Variants in DLG2 observed in about 807,000 individuals in gnomAD.
The protein encoded by DLG2 is disks large homolog 2.
Under a neutral mutation model 132.5 loss-of-function variants are expected in DLG2, and 45 were observed. That is an observed-to-expected ratio of 0.34 (90% CI 0.27 to 0.44). The LOEUF (loss-of-function observed/expected upper bound fraction) is 0.44, where lower values mean the gene tolerates loss of function less well. Among genes scored for constraint, DLG2 ranks in the 20% least tolerant of loss-of-function variants. The pLI is 1.00. For missense variants in DLG2, 1,045 were observed against 1,196.9 expected, an observed-to-expected ratio of 0.87 and a Z score of 1.87; for synonymous variants, 424 against 419.6, an observed-to-expected ratio of 1.01 and a Z score of -0.13.
intron 11 of DLG2, among the ~76,000 whole-genome samples, chr11:84,045,955 T>C (rs2096234161): frequency 6.6e-6 from 1 of 151,392 alleles, no homozygotes; most frequent in African/African-American, 2.4e-5. Context: ...TTAGAGGAAT[T>C]CTACTTTCAG....
rs576444943 is a variant in DLG2 at position 85,266,165 on chromosome 11, C to A, written c.186+19055G>T. 1.7e-3 allele frequency among the ~76,000 whole-genome samples: 261 copies of A among 152,276 alleles called. 2 individuals are homozygous for A. The highest frequency in any genetic ancestry group is 6.0e-3 in the African/African-American group (251 of 41,558). On this transcript the variant is annotated intron_variant, in intron 4 of 27. Coordinates refer to ENST00000376104, the MANE Select transcript of DLG2 (RefSeq NM_001142699.3). ...CCTCTGAAGCCTTGGAGTCATGGGC[C>A]CCCCAACCTGGACACTGCCACAAGG...
At chr11:83,870,315 C>T (rs1160192166) in intron 16 of DLG2, among the ~76,000 whole-genome samples, 1 of 152,156 alleles carries the variant, frequency 6.6e-6, no homozygotes, top group African/African-American at 2.4e-5. Flanking sequence ...CTCCAATGTC[C>T]ATGTGTATAT....
At chr11:85,294,175 TAATA>T (rs2079081902) in intron 3 of DLG2, among the ~76,000 whole-genome samples, 1 of 151,958 alleles carries the variant, frequency 6.6e-6, no homozygotes. Context: ...ATATAGAAAA[TAATA>T]AATAGAGTGA....
chr11:85,140,939 T>G (rs1037935029), intron 5 of DLG2, among the ~76,000 whole-genome samples: 1 of 151,884 alleles, frequency 6.6e-6, no homozygotes, highest in African/African-American at 2.4e-5. Context: ...CTAAATAATA[T>G]TCCAATGTGT....
At chr11:83,884,679 T>A (rs1477461534) in intron 15 of DLG2, among the ~76,000 whole-genome samples, 1 of 152,262 alleles carries the variant, frequency 6.6e-6, no homozygotes, top group Admixed American at 6.5e-5. Flanking sequence ...CCAAGCAGCC[T>A]AACTGGAAGG....
At chr11:83,751,904 T>C (rs892750600) in intron 18 of DLG2, among the ~76,000 whole-genome samples, 4 of 152,178 alleles carry the variant, frequency 2.6e-5, no homozygotes, top group Non-Finnish European at 4.4e-5. Context: ...CAATGGGAAT[T>C]ATTAGCATTG....
chr11:84,560,196 C>A (rs1016494850), intron 6 of DLG2, among the ~76,000 whole-genome samples: 3 of 152,070 alleles, frequency 2.0e-5, no homozygotes, highest in African/African-American at 7.2e-5. Flanking sequence ...AGTAGGAAAG[C>A]CACATTGTAT....
At chr11:84,349,543 G>A (rs1436916922) in intron 7 of DLG2, among the ~76,000 whole-genome samples, 2 of 152,170 alleles carry the variant, frequency 1.3e-5, no homozygotes, top group African/African-American at 2.4e-5. Flanking sequence ...CATTGTGAAT[G>A]ACACACCCTT....
At chr11:85,042,419 T>TA (rs1488133017) in intron 6 of DLG2, among the ~76,000 whole-genome samples, 3 of 152,030 alleles carry the variant, frequency 2.0e-5, no homozygotes, top group African/African-American at 7.2e-5. Context: ...TTACATAGAT[T>TA]ATCTTAATTC....
intron 6 of DLG2, among the ~76,000 whole-genome samples, chr11:84,695,184 C>A (rs932566392): frequency 2.0e-5 from 3 of 151,564 alleles, no homozygotes; most frequent in Non-Finnish European, 4.4e-5. Flanking sequence ...TTGCACAGTT[C>A]TGCAGAATAG....
chr11:84,942,053 T>C (rs1439760499), intron 6 of DLG2, among the ~76,000 whole-genome samples: 1 of 152,198 alleles, frequency 6.6e-6, no homozygotes, highest in African/African-American at 2.4e-5. Flanking sequence ...ATGCTCATAG[T>C]AGTCTCTAAT....
intron 11 of DLG2, among the ~76,000 whole-genome samples, chr11:84,034,288 AT>A (rs1229658910): frequency 6.6e-6 from 1 of 152,046 alleles, no homozygotes; most frequent in Non-Finnish European, 1.5e-5. Context: ...GTTATAAAGT[AT>A]TTTTTAATTA....
intron 4 of DLG2, among the ~76,000 whole-genome samples, chr11:85,226,172 T>G (rs1294466620): frequency 6.7e-6 from 1 of 148,876 alleles, no homozygotes; most frequent in Non-Finnish European, 1.5e-5. Context: ...AAAAATAATA[T>G]AATTGCATAT....
chr11:84,423,391 C>A (rs528759506), intron 7 of DLG2, among the ~76,000 whole-genome samples: 1 of 152,132 alleles, frequency 6.6e-6, no homozygotes, highest in Non-Finnish European at 1.5e-5. Flanking sequence ...TCATGCCTGG[C>A]ACTTGTCTAC....
intron 2 of DLG2, among the ~76,000 whole-genome samples, chr11:85,604,177 A>AT (rs1226052944): frequency 1.3e-5 from 2 of 152,240 alleles, no homozygotes; most frequent in African/African-American, 4.8e-5. Context: ...AATTTGACAC[A>AT]TAAAAAATGC....
chr11:83,728,518 A>G (rs1051768862), intron 18 of DLG2, among the ~76,000 whole-genome samples: 2 of 152,234 alleles, frequency 1.3e-5, no homozygotes, highest in African/African-American at 2.4e-5. Flanking sequence ...CACTATTCCC[A>G]TAGCATTTCC....
chr11:84,024,472 G>A (rs80196056), intron 11 of DLG2, among the ~76,000 whole-genome samples: 7,404 of 152,114 alleles, frequency 0.049, 241 homozygotes, highest in Middle Eastern at 0.088. Flanking sequence ...TCATGTTCAC[G>A]GAAACAATGA....
In DLG2 at chr11:83,739,682, C is replaced by T. The variant is rs191281193; in HGVS notation, c.1825+47008G>A. ...AGAAGATAAAGTAAGCTTATTTTCC[C>T]CCATTCCTCCCTCTAATTACAGCTA... is the stretch of plus-strand genomic sequence containing the variant. On this transcript the variant is annotated intron_variant, in intron 18 of 27. Coordinates refer to ENST00000376104, the MANE Select transcript of DLG2 (RefSeq NM_001142699.3). 2.0e-5 allele frequency among the ~76,000 whole-genome samples: 3 copies of T among 152,190 alleles called. No homozygotes were observed. In the East Asian group the frequency reaches 5.8e-4, roughly 29 times the overall value.
chr11:84,692,565 C>G (rs752891686), intron 6 of DLG2, among the ~76,000 whole-genome samples: 10 of 151,722 alleles, frequency 6.6e-5, no homozygotes, highest in Non-Finnish European at 1.5e-4. Flanking sequence ...CCTGAAACCA[C>G]TACTTTATGG....
Sources: allele counts gnomAD v4.1 joint callset (sites outside exome capture counted in the v4.1 genomes callset), GRCh38; gene constraint gnomAD v4.1.1; transcripts MANE v1.5; gene names NCBI Gene and HGNC (gene_info 2026-07-23, HGNC 2026-07-21).